Variants in ANKRD30A observed in about 807,000 individuals in gnomAD.
ANKRD30A encodes the protein ankyrin repeat domain-containing protein 30A.
Under a neutral mutation model 166.3 loss-of-function variants are expected in ANKRD30A, and 170 were observed. That is an observed-to-expected ratio of 1.02 (90% CI 0.90 to 1.16). The LOEUF is 1.16. ANKRD30A is among the 50% of genes most tolerant of loss of function. The probability of loss-of-function intolerance (pLI) is 0.00; values close to 1 mark genes in which losing one functional copy is unlikely to be tolerated. For synonymous variants in ANKRD30A, 564 were observed against 508.9 expected (o/e 1.11, Z -1.46); for missense variants, 1,630 against 1,518.0 (o/e 1.07, Z -1.23).
Position 37,130,388 on chromosome 10 carries a change from A to C in ANKRD30A, c.510+10A>C. ...CGAAGTGCACAACAAGGTAGACACT[A>C]ACCAATGTTATTTTCAAAATATTTG... On this transcript the variant is annotated intron_variant, in intron 3 of 35. Coordinates refer to ENST00000361713, the MANE Select transcript of ANKRD30A (RefSeq NM_052997.3). 1 of 1,416,126 alleles carries C rather than the reference A, an allele frequency of 7.1e-7. No homozygotes were observed. Among genetic ancestry groups the C allele is most frequent in the Non-Finnish European group, 9.3e-7 (1 of 1,077,258 alleles). 87.7% of individuals were successfully genotyped at this position (1,416,126 alleles called of 1,614,324 possible).
chr10:37,135,295 G>A (rs1836614211), intron 5 of ANKRD30A: 1 of 152,148 alleles, frequency 6.6e-6, no homozygotes, highest in African/African-American at 2.4e-5. Flanking sequence ...GATCAGCATC[G>A]TCCCTGCACA....
intron 34 of ANKRD30A, among the ~76,000 whole-genome samples, chr10:37,226,031 ATC>A (rs533349239): frequency 3.4e-4 from 51 of 151,754 alleles, no homozygotes; most frequent in African/African-American, 1.2e-3. Context: ...TGGAAGCTTT[ATC>A]TTGTTCAAAT....
In ANKRD30A at chr10:37,132,354, A is replaced by T. The variant is rs1310008779; in HGVS notation, c.617+8A>T. 1 of 1,497,698 alleles carries T rather than the reference A, an allele frequency of 6.7e-7. No individual in the cohort carries two copies. The allele number at this position is 1,497,698 out of a possible 1,614,324, so 92.8% of individuals were successfully genotyped here. On this transcript the variant is annotated splice_region_variant and intron_variant, in intron 4 of 35. Transcript: ENST00000361713. ...AGTTAATAAGTATAAATGGTATAGT[A>T]GTTCTTTTTTTATTAAAAAACACTT...
At chr10:37,227,179 A>G (rs895350097) in intron 34 of ANKRD30A, among the ~76,000 whole-genome samples, 5 of 151,948 alleles carry the variant, frequency 3.3e-5, no homozygotes, top group Admixed American at 2.6e-4. Context: ...GTTAATCCAT[A>G]TTTTGAGTTG....
At chr10:37,232,838 A>G (rs1318920217), downstream of ANKRD30A, among the ~76,000 whole-genome samples, 1 of 147,320 alleles carries the variant, frequency 6.8e-6, no homozygotes, top group Non-Finnish European at 1.5e-5. Flanking sequence ...AGTGTATCAT[A>G]ATCACAGCTA....
intron 13 of ANKRD30A, among the ~76,000 whole-genome samples, chr10:37,155,624 T>G (rs1838309984): frequency 6.6e-6 from 1 of 152,204 alleles, no homozygotes; most frequent in South Asian, 2.1e-4. Flanking sequence ...AGTGTCATGA[T>G]TTGCTCCTGT....
chr10:37,244,714 G>C, the ANKRD30A span, among the ~76,000 whole-genome samples: 1 of 152,166 alleles, frequency 6.6e-6, no homozygotes, highest in Non-Finnish European at 1.5e-5. Context: ...TTCCTGCTCA[G>C]GTGCTGAAAA....
rs758227247 is a variant in ANKRD30A, at chr10:37,219,545, C to T, written c.3833C>T (p.Thr1278Ile). 1 of 1,610,246 alleles carries T rather than the reference C, an allele frequency of 6.2e-7. No individual in the cohort carries two copies. The highest frequency in any genetic ancestry group is 8.5e-7 in the Non-Finnish European group (1 of 1,177,670). ...GCAGGAGATGCTCTAAGAGAAAATA[C>T]ATTGGTTTCAGAACATGCACAAAGA... The part of the protein sequence containing the change: ...NYAGDALREN[T>I]LVSEHAQRDQ... Residue 1278 changes from threonine (T) to isoleucine (I), a missense_variant, in exon 34 of 36, where the codon ACA (threonine) becomes ATA (isoleucine). Coordinates refer to ENST00000361713, the MANE Select transcript of ANKRD30A (RefSeq NM_052997.3).
chr10:37,259,378 G>A, the ANKRD30A span, among the ~76,000 whole-genome samples: 2 of 152,186 alleles, frequency 1.3e-5, no homozygotes, highest in South Asian at 4.1e-4. Context: ...CCAAGTGACA[G>A]CAAGGATATG....
intron 31 of ANKRD30A, among the ~76,000 whole-genome samples, chr10:37,205,350 C>T (rs193285856): frequency 6.8e-6 from 1 of 147,762 alleles, no homozygotes; most frequent in Non-Finnish European, 1.5e-5. Flanking sequence ...ATCGCAAGGA[C>T]AGAAAACCAA....
chr10:37,151,445 A>G (rs1366158985), intron 11 of ANKRD30A, among the ~76,000 whole-genome samples: 5 of 152,090 alleles, frequency 3.3e-5, no homozygotes, highest in Non-Finnish European at 5.9e-5. Context: ...GAAGTATGTC[A>G]TTGTAATTGA....
At chr10:37,214,947 C>A (rs1473284669) in intron 31 of ANKRD30A, among the ~76,000 whole-genome samples, 1 of 151,264 alleles carries the variant, frequency 6.6e-6, no homozygotes, top group East Asian at 2.0e-4. Flanking sequence ...GCTCATAGTT[C>A]TCTAGTGTCT....
At chr10:37,127,108 T>A (rs1323609420) in intron 1 of ANKRD30A, among the ~76,000 whole-genome samples, 6 of 119,108 alleles carry the variant, frequency 5.0e-5, no homozygotes, top group African/African-American at 2.0e-4. Flanking sequence ...CGCTAACAGC[T>A]GAAAAGACAG....
intron 31 of ANKRD30A, among the ~76,000 whole-genome samples, chr10:37,203,703 T>C (rs2132700917): frequency 6.6e-6 from 1 of 152,330 alleles, no homozygotes; most frequent in Non-Finnish European, 1.5e-5. Flanking sequence ...ATTTTCCCTG[T>C]TTGCAGATGA....
rs528509364 is a variant in ANKRD30A, at chr10:37,171,461, G to A, written c.2257+1737G>A. ...CATTAACCATGAAAATTATGACATT[G>A]TGACATGTCATGAGTCTGAAAAATT... On this transcript the variant is annotated intron_variant, in intron 21 of 35. Coordinates refer to ENST00000361713, the MANE Select transcript of ANKRD30A (RefSeq NM_052997.3). Among the ~76,000 whole-genome samples, 136 of 150,706 alleles carry A rather than the reference G, an allele frequency of 9.0e-4. No homozygotes were observed. In the Middle Eastern group the frequency reaches 0.01, roughly 12 times the overall value.
At chr10:37,242,630 A>G in the ANKRD30A span, among the ~76,000 whole-genome samples, 4 of 152,188 alleles carry the variant, frequency 2.6e-5, no homozygotes, top group African/African-American at 9.7e-5. Flanking sequence ...ACTTTACATC[A>G]TTGGAGCACT....
In ANKRD30A at chr10:37,125,624, GA is replaced by G. The variant is rs1157181542; in HGVS notation, c.-163del. Among the ~76,000 whole-genome samples, 2 of 152,026 alleles carry G rather than the reference GA, an allele frequency of 1.3e-5. No homozygotes were observed. Among genetic ancestry groups the G allele is most frequent in the African/African-American group, 2.4e-5 (1 of 41,416 alleles). On this transcript the variant is annotated 5_prime_UTR_variant, in exon 1 of 36. Coordinates refer to ENST00000361713, the MANE Select transcript of ANKRD30A (RefSeq NM_052997.3). ...GCTCTGCTCAGCGCGATTCTACTGA[GA>G]GAGGCCTGAGTGTGCAAGAGCTTGG... is the stretch of plus-strand genomic sequence containing the variant.
intron 27 of ANKRD30A, among the ~76,000 whole-genome samples, chr10:37,195,341 C>T (rs183940804): frequency 2.0e-5 from 3 of 152,164 alleles, no homozygotes; most frequent in South Asian, 4.2e-4. Flanking sequence ...TGTCTCATGG[C>T]GCTGTGCTCT....
chr10:37,142,655 C>G (rs778328875), intron 7 of ANKRD30A, among the ~76,000 whole-genome samples: 11 of 128,624 alleles, frequency 8.6e-5, no homozygotes, highest in South Asian at 2.6e-4. Flanking sequence ...CACGAGTGAT[C>G]TCGGCTGACT....
Sources: allele counts gnomAD v4.1 joint callset (sites outside exome capture counted in the v4.1 genomes callset), GRCh38; gene constraint gnomAD v4.1.1; transcripts MANE v1.5; gene names NCBI Gene and HGNC (gene_info 2026-07-23, HGNC 2026-07-21).